The following TINAG variants were observed in gnomAD, a reference collection of about 807,000 sequenced individuals.
TINAG encodes the protein tubulointerstitial nephritis antigen.
Under a neutral mutation model 72.7 loss-of-function variants are expected in TINAG, and 83 were observed. The observed-to-expected ratio is 1.14, with a 90% CI of 0.96 to 1.37. TINAG has a LOEUF of 1.37. Among genes scored for constraint, TINAG ranks in the 40% most tolerant of loss-of-function variants. The pLI is 0.00. For missense variants in TINAG, 685 were observed against 576.6 expected, an observed-to-expected ratio of 1.19 and a Z score of -1.93; for synonymous variants, 234 against 189.9, an observed-to-expected ratio of 1.23 and a Z score of -1.91.
At chr6:54,310,622 C>CCCTT (rs72336903) in intron 1 of TINAG, among the ~76,000 whole-genome samples, 2 of 140,182 alleles carry the variant, frequency 1.4e-5, no homozygotes, top group Admixed American at 7.3e-5. Flanking sequence ...TGTCTCTCTC[C>CCCTT]CCTTCCTTCC....
At chr6:54,350,789 T>C (rs1052772935) in intron 7 of TINAG, among the ~76,000 whole-genome samples, 5 of 151,500 alleles carry the variant, frequency 3.3e-5, no homozygotes, top group African/African-American at 1.2e-4. Flanking sequence ...CTACAATGGA[T>C]CTTATTAAAT....
chr6:54,363,354 T>A (rs9395943), intron 9 of TINAG, among the ~76,000 whole-genome samples: 25,285 of 151,448 alleles, frequency 0.17, 2,247 homozygotes, highest in Non-Finnish European at 0.19. Context: ...GGCAAATTTC[T>A]GTATTGCAAG....
Position 54,312,872 on chromosome 6 carries a change from C to T in TINAG, c.355+3967C>T, listed in dbSNP as rs186628500. Among the ~76,000 whole-genome samples, 218 of 152,180 alleles carry T rather than the reference C, an allele frequency of 1.4e-3. 4 individuals are homozygous for T. In the South Asian group the frequency reaches 0.026, roughly 18 times the overall value. On this transcript the variant is annotated intron_variant, in intron 1 of 10. Coordinates refer to ENST00000259782, the MANE Select transcript of TINAG (RefSeq NM_014464.4). ...TTTGGTAACATGTATTTTCCATTTT[C>T]CCATATCCCTTACCCCTTGCTATTT...
At position 54,386,877 on chromosome 6, in the gene TINAG, C is replaced by T. The variant is rs576058902; in HGVS notation, c.1297-2914C>T. 5.9e-5 allele frequency among the ~76,000 whole-genome samples: 9 copies of T among 152,182 alleles called. No homozygotes were observed. The South Asian group carries it at 1.5e-3, about 25-fold the overall frequency. On this transcript the variant is annotated intron_variant, in intron 10 of 10. Transcript: ENST00000259782. ...TCTATTAGAAAATGCTTTCTTAAAT[C>T]GGGCACAAAATAAACTTTTTAAGAA...
At chr6:54,381,005 T>C (rs1031370555) in intron 10 of TINAG, among the ~76,000 whole-genome samples, 2 of 148,184 alleles carry the variant, frequency 1.3e-5, no homozygotes, top group African/African-American at 4.9e-5. Context: ...TTATATGGCA[T>C]ATATATTTAG....
chr6:54,351,360 G>T lies in TINAG; in HGVS notation c.1089G>T (p.Glu363Asp). Residue 363 changes from glutamate to aspartate, a missense_variant, in exon 8 of 11, where the codon GAG (glutamate) becomes GAT (aspartate). Glu to Asp is a conservative substitution (Grantham distance 45). Transcript: ENST00000259782. ...PPYRVSSNET[E>D]IMKEIMQNGP... ...CATATTTTTCCATCCAGGAAACTGA[G>T]ATAATGAAAGAAATCATGCAAAATG... 1 of 1,610,016 alleles carries T rather than the reference G, an allele frequency of 6.2e-7. No individual in the cohort carries two copies. Among genetic ancestry groups the T allele is most frequent in the South Asian group, 1.1e-5 (1 of 90,946 alleles).
intron 10 of TINAG, among the ~76,000 whole-genome samples, chr6:54,382,287 T>G (rs1763976037): frequency 2.0e-5 from 3 of 152,080 alleles, no homozygotes. Flanking sequence ...GAGGCTTTTT[T>G]CTCTACTGAA....
chr6:54,362,286 G>T (rs1337030730), intron 9 of TINAG, among the ~76,000 whole-genome samples: 1 of 151,584 alleles, frequency 6.6e-6, no homozygotes, highest in African/African-American at 2.4e-5. Flanking sequence ...AGGGTCTAAG[G>T]TAGCTGGTGA....
At chr6:54,320,138 G>A (rs901023771) in intron 1 of TINAG, among the ~76,000 whole-genome samples, 6 of 152,094 alleles carry the variant, frequency 3.9e-5, no homozygotes, top group South Asian at 4.1e-4. Context: ...TCAATGAAAT[G>A]ACCTGGTATT....
chr6:54,332,297 C>T (rs1017715385), intron 4 of TINAG, among the ~76,000 whole-genome samples: 1 of 152,004 alleles, frequency 6.6e-6, no homozygotes, highest in Non-Finnish European at 1.5e-5. Flanking sequence ...AGAACAGAGG[C>T]CTCCGAAATA....
intron 9 of TINAG, among the ~76,000 whole-genome samples, chr6:54,360,317 C>T (rs1460953521): frequency 6.6e-6 from 1 of 151,544 alleles, no homozygotes; most frequent in Non-Finnish European, 1.5e-5. Flanking sequence ...GAATAAATAA[C>T]ACTATTTATT....
chr6:54,359,800 T>C (rs1345678395), intron 9 of TINAG, among the ~76,000 whole-genome samples: 2 of 151,856 alleles, frequency 1.3e-5, no homozygotes, highest in Non-Finnish European at 2.9e-5. Context: ...TTAATTCATT[T>C]ATCCATTAGG....
chr6:54,383,645 C>A (rs1764014257), intron 10 of TINAG, among the ~76,000 whole-genome samples: 1 of 151,734 alleles, frequency 6.6e-6, no homozygotes, highest in African/African-American at 2.4e-5. Context: ...GACCAGCAAC[C>A]AAGGGAAAAA....
At chr6:54,316,011 A>T (rs937776076) in intron 1 of TINAG, among the ~76,000 whole-genome samples, 1 of 152,202 alleles carries the variant, frequency 6.6e-6, no homozygotes, top group Non-Finnish European at 1.5e-5. Flanking sequence ...AATATGACAC[A>T]AACCAATTCA....
At chr6:54,366,577 G>C (rs534010690) in intron 9 of TINAG, among the ~76,000 whole-genome samples, 14 of 147,782 alleles carry the variant, frequency 9.5e-5, no homozygotes, top group Admixed American at 8.1e-4. Flanking sequence ...CCTCAGCATC[G>C]AGATAGAGAA....
intron 9 of TINAG, among the ~76,000 whole-genome samples, chr6:54,368,845 G>A (rs1763517269): frequency 6.6e-6 from 1 of 151,514 alleles, no homozygotes; most frequent in Non-Finnish European, 1.5e-5. Flanking sequence ...TAAGTACCGT[G>A]CATTTTGTTT....
chr6:54,365,832 A>G (rs1763392343), intron 9 of TINAG, among the ~76,000 whole-genome samples: 2 of 151,554 alleles, frequency 1.3e-5, no homozygotes, highest in African/African-American at 4.8e-5. Flanking sequence ...TTCTCTCTTT[A>G]GAGAGTCTTC....
chr6:54,359,160 A>T (rs1763150938), intron 9 of TINAG, among the ~76,000 whole-genome samples: 1 of 151,792 alleles, frequency 6.6e-6, no homozygotes, highest in Non-Finnish European at 1.5e-5. Flanking sequence ...GTGCTTTTCC[A>T]TTCTTTTTCT....
intron 4 of TINAG, among the ~76,000 whole-genome samples, chr6:54,330,705 C>T (rs1036209191): frequency 1.6e-4 from 25 of 151,988 alleles, no homozygotes; most frequent in African/African-American, 5.6e-4. Context: ...AGATAGACCG[C>T]TAGCCAGATT....
Sources: allele counts gnomAD v4.1 joint callset (sites outside exome capture counted in the v4.1 genomes callset), GRCh38; gene constraint gnomAD v4.1.1; transcripts MANE v1.5; gene names NCBI Gene and HGNC (gene_info 2026-07-23, HGNC 2026-07-21).